Variants in NOP14 observed in about 807,000 individuals in gnomAD.
NOP14 encodes nucleolar protein 14.
NOP14 carries 57 observed loss-of-function variants against 101.6 expected under a neutral mutation model. The observed-to-expected ratio is 0.56, with a 90% CI of 0.45 to 0.70. The LOEUF is 0.70. Ranked by LOEUF, NOP14 falls within the 30% of genes least tolerant of loss-of-function variation. NOP14 has a pLI of 0.00. For synonymous variants in NOP14, 428 were observed against 424.0 expected (o/e 1.01, Z -0.12); for missense variants, 1,134 against 1,075.5 (o/e 1.05, Z -0.76).
At chr4:2,956,949 G>T (rs2109312179) in intron 2 of NOP14, 138 bp from the exon 3 acceptor site, 1 of 713,628 alleles carries the variant, frequency 1.4e-6, no homozygotes, top group Admixed American at 3.2e-5. Flanking sequence ...AGAGTATTTT[G>T]GGTCAACTAA....
intron 1 of NOP14, among the ~76,000 whole-genome samples, chr4:2,960,879 T>TATCAATATATTAATATTATAATTAC (rs1397424629): frequency 4.5e-5 from 3 of 66,444 alleles, no homozygotes; most frequent in African/African-American, 1.1e-4. Flanking sequence ...ATAATTACAT[T>TATCAATATATTAATATTATAATTAC]ATTATTATAT....
intron 13 of NOP14, 145 bp downstream of exon 13, chr4:2,943,924 TCACA>T: frequency 1.5e-6 from 1 of 659,902 alleles, no homozygotes; most frequent in Non-Finnish European, 2.6e-6. Flanking sequence ...GTGCACACGC[TCACA>T]CAGAGGGACA....
chr4:2,945,335 G>T, intron 11 of NOP14, 106 bp from the exon 12 acceptor site: 1 of 839,316 alleles, frequency 1.2e-6, no homozygotes, highest in African/African-American at 1.7e-5. Context: ...CGAGGAGAGG[G>T]TGCATCTCCT....
chr4:2,946,081 T>G (rs111266684), intron 11 of NOP14, among the ~76,000 whole-genome samples: 2 of 98,932 alleles, frequency 2.0e-5, no homozygotes, highest in Admixed American at 1.0e-4. Context: ...GCACTCTCAC[T>G]CCAGATCACC....
At chr4:2,955,059 GCA>G (rs1479594527) in intron 3 of NOP14, among the ~76,000 whole-genome samples, 1 of 136,846 alleles carries the variant, frequency 7.3e-6, no homozygotes, top group Non-Finnish European at 1.6e-5. Context: ...CTAGTCACCT[GCA>G]CGCCACGGCG....
At chr4:2,949,727 G>A (rs1285167097) in intron 8 of NOP14, among the ~76,000 whole-genome samples, 7 of 152,086 alleles carry the variant, frequency 4.6e-5, no homozygotes, top group Non-Finnish European at 8.8e-5. Context: ...ATCGGGGGCC[G>A]GCCTACAGAA....
Position 2,939,263 on chromosome 4 carries a change from A to T in NOP14, c.2399T>A (p.Phe800Tyr). The T allele has an allele frequency of 6.2e-7, 1 of 1,613,944 alleles. No homozygotes were observed. The change falls in exon 17 of 18, where the codon TTT becomes TAT. Residue 800 changes from phenylalanine (F) to tyrosine (Y), a missense_variant. By Grantham distance (22) the Phe-to-Tyr change is conservative. Transcript: ENST00000416614. ...KRLIHKHKRE[F>Y]KGAVREIRKD... The stretch of plus-strand genomic sequence containing the variant: ...GCGGATTTCTCGAACGGCCCCTTTA[A>T]ATTCACGCTTGTGTTTGTGGATCAG...
intron 1 of NOP14, among the ~76,000 whole-genome samples, chr4:2,959,235 G>A (rs1158696032): frequency 3.9e-5 from 6 of 152,228 alleles, no homozygotes; most frequent in Non-Finnish European, 7.3e-5. Flanking sequence ...CACACGCTGA[G>A]TTATTAATCC....
intron 3 of NOP14, among the ~76,000 whole-genome samples, chr4:2,955,788 G>A (rs1020481011): frequency 1.8e-4 from 28 of 152,372 alleles, no homozygotes; most frequent in East Asian, 3.9e-4. Context: ...CTTCACGCCC[G>A]TGAAGCCGAG....
At chr4:2,960,664 A>G (rs1246207134) in intron 1 of NOP14, among the ~76,000 whole-genome samples, 1 of 140,860 alleles carries the variant, frequency 7.1e-6, no homozygotes, top group Non-Finnish European at 1.5e-5. Flanking sequence ...ACTATATATT[A>G]TTATATTAAT....
intron 15 of NOP14, chr4:2,940,314 ACC>A (rs1039488638): frequency 1.3e-5 from 2 of 152,312 alleles, no homozygotes; most frequent in Non-Finnish European, 2.9e-5. Context: ...GTGTCCTGGA[ACC>A]CTGGCTGCAC....
At chr4:2,942,864 C>A (rs1449601889) in intron 13 of NOP14, among the ~76,000 whole-genome samples, 1 of 152,154 alleles carries the variant, frequency 6.6e-6, no homozygotes, top group African/African-American at 2.4e-5. Context: ...AATTCACTCG[C>A]CACGGAGAAG....
chr4:2,950,336 C>G, intron 7 of NOP14, 123 bp from the exon 8 acceptor site: 1 of 1,037,800 alleles, frequency 9.6e-7, no homozygotes, highest in Non-Finnish European at 1.4e-6. Flanking sequence ...GAACACAAAC[C>G]TGTGTGCTCC....
At chr4:2,946,383 G>A in intron 11 of NOP14, 29 bp downstream of exon 11, 1 of 1,612,416 alleles carries the variant, frequency 6.2e-7, no homozygotes, top group African/African-American at 1.3e-5. Context: ...TCTGTGGCAG[G>A]GGCAGTGCCT....
At chr4:2,957,062 A>C (rs3021147) in intron 2 of NOP14, among the ~76,000 whole-genome samples, 70,198 of 151,846 alleles carry the variant, frequency 0.46, 17,409 homozygotes, top group African/African-American at 0.63. Context: ...AGTGCGGTAG[A>C]GTGATCTGGG....
At position 2,945,123 on chromosome 4, in the gene NOP14, C is replaced by G; in HGVS notation, c.1737+5G>C. On this transcript the variant is annotated splice_donor_5th_base_variant and intron_variant, in intron 12 of 17. Coordinates refer to ENST00000416614, the MANE Select transcript of NOP14 (RefSeq NM_001291978.2). ...CGACCCCTGCCGCATGTGGAGAGAA[C>G]GCACCTTGGTGAGCAGCTGACTGAG... 1 of 1,574,290 alleles carries G rather than the reference C, an allele frequency of 6.4e-7. No individual in the cohort carries two copies. The highest frequency in any genetic ancestry group is 2.3e-5 in the East Asian group (1 of 43,296).
intron 15 of NOP14, 143 bp downstream of exon 15, chr4:2,941,439 T>G (rs1024657295): frequency 2.7e-6 from 2 of 730,280 alleles, no homozygotes; most frequent in Non-Finnish European, 4.5e-6. Context: ...CTTATGATTT[T>G]ACTTCCCTTC....
intron 1 of NOP14, among the ~76,000 whole-genome samples, chr4:2,960,805 TTAA>T (rs1243231222): frequency 9.4e-6 from 1 of 106,192 alleles, no homozygotes; most frequent in Non-Finnish European, 1.9e-5. Flanking sequence ...TATTAATATA[TTAA>T]TATTATAATC....
chr4:2,947,799 A>C, intron 9 of NOP14, 188 bp from the exon 10 acceptor site: 2 of 614,152 alleles, frequency 3.3e-6, no homozygotes, highest in Non-Finnish European at 5.8e-6. Flanking sequence ...AAGCACTAGA[A>C]GGTGTAGGGG....
Sources: allele counts gnomAD v4.1 joint callset (sites outside exome capture counted in the v4.1 genomes callset), GRCh38; gene constraint gnomAD v4.1.1; transcripts MANE v1.5; gene names NCBI Gene and HGNC (gene_info 2026-07-23, HGNC 2026-07-21).